The following CFAP52 variants were observed in gnomAD, a reference collection of about 807,000 sequenced individuals.
CFAP52 encodes cilia and flagella associated protein 52.
A neutral mutation model predicts 70.5 loss-of-function variants in CFAP52; 57 were observed. The ratio of observed to expected loss-of-function variants is 0.81; its 90% CI spans 0.65 to 1.01. The LOEUF (loss-of-function observed/expected upper bound fraction) is 1.01, where lower values mean the gene tolerates loss of function less well. CFAP52 is among the 50% of genes least tolerant of loss of function. CFAP52 has a pLI of 0.00. For synonymous variants in CFAP52, 267 were observed against 292.5 expected, an observed-to-expected ratio of 0.91 and a Z score of 0.89; for missense variants, 785 against 788.5, an observed-to-expected ratio of 1.00 and a Z score of 0.05.
chr17:9,594,049 G>T, intron 3 of CFAP52, 144 bp from the exon 4 acceptor site: 1 of 1,199,470 alleles, frequency 8.3e-7, no homozygotes, highest in Non-Finnish European at 1.1e-6. Context: ...TTGAGGAGAT[G>T]TCAGGGGTGG....
At chr17:9,631,032 G>GAAAGAAAGAAAGAAAGAA (rs1473831778) in intron 9 of CFAP52, among the ~76,000 whole-genome samples, 1 of 46,768 alleles carries the variant, frequency 2.1e-5, no homozygotes. Context: ...GAAAGAAAGA[G>GAAAGAAAGAAAGAAAGAA]AGAGAGAGAG....
chr17:9,598,779 A>T (rs1909136939), intron 5 of CFAP52, among the ~76,000 whole-genome samples: 1 of 102,082 alleles, frequency 9.8e-6, no homozygotes, highest in Non-Finnish European at 2.3e-5. Context: ...AAGAAGAAAA[A>T]GTTCACCTCT....
At position 9,616,123 on chromosome 17, in the gene CFAP52, C is replaced by T. The variant is rs1334395758; in HGVS notation, c.1025+3644C>T. 6.0e-5 allele frequency among the ~76,000 whole-genome samples: 9 copies of T among 150,628 alleles called. No individual in the cohort carries two copies. The East Asian group carries it at 1.4e-3, about 23-fold the overall frequency. On this transcript the variant is annotated intron_variant, in intron 8 of 13. Transcript: ENST00000352665. Reference sequence around the variant, plus strand: ...TCACTAGGGAGTGCCAGACAGTGGGCGCAGGCCAGTGTGTGCGCGCACCGT... The same window carrying T: ...TCACTAGGGAGTGCCAGACAGTGGGTGCAGGCCAGTGTGTGCGCGCACCGT...
intron 9 of CFAP52, among the ~76,000 whole-genome samples, chr17:9,630,875 A>C (rs1910448829): frequency 2.0e-5 from 3 of 148,162 alleles, no homozygotes; most frequent in East Asian, 2.2e-4. Flanking sequence ...AGTCCCAGCT[A>C]CCCGGGAGGC....
chr17:9,629,834 C>G (rs771283670), intron 9 of CFAP52, among the ~76,000 whole-genome samples: 4 of 152,060 alleles, frequency 2.6e-5, no homozygotes, highest in Admixed American at 6.6e-5. Context: ...AGGCAATCCA[C>G]CCGCCTCGGC....
intron 9 of CFAP52, among the ~76,000 whole-genome samples, chr17:9,632,077 C>CTT (rs79133731): frequency 5.5e-5 from 8 of 146,066 alleles, no homozygotes; most frequent in African/African-American, 2.0e-4. Flanking sequence ...CCAGCCTCCA[C>CTT]TTTTTTTTTT....
Position 9,596,049 on chromosome 17 carries a change from A to ATGTGTG in CFAP52, c.536+1729_536+1730insGTGTGT, listed in dbSNP as rs1445578110. On this transcript the variant is annotated intron_variant, in intron 4 of 13. Coordinates refer to ENST00000352665, the MANE Select transcript of CFAP52 (RefSeq NM_145054.5). ...TACATATGTATATGTATGTAGATAT[A>ATGTGTG]TATGTGTGTGTATATATATATATAT... is the stretch of plus-strand genomic sequence containing the variant. Among the ~76,000 whole-genome samples the ATGTGTG allele has an allele frequency of 8.4e-3, 330 of 39,154 alleles. 2 individuals carry two copies. Among genetic ancestry groups the ATGTGTG allele is most frequent in the Admixed American group, 0.018 (51 of 2,870 alleles). The allele number at this position is 39,154 out of a possible 152,430, so 25.7% of individuals were successfully genotyped here.
At chr17:9,636,175 AAAAAAAAG>A (rs1182035749) in intron 11 of CFAP52, among the ~76,000 whole-genome samples, 2 of 108,182 alleles carry the variant, frequency 1.8e-5, no homozygotes, top group Non-Finnish European at 3.7e-5. Context: ...ACTCTGTCTC[AAAAAAAAG>A]AAAGAAAGAA....
At chr17:9,616,509 G>GGCCT (rs1159774141) in intron 8 of CFAP52, among the ~76,000 whole-genome samples, 5 of 142,136 alleles carry the variant, frequency 3.5e-5, no homozygotes, top group Non-Finnish European at 7.6e-5. Flanking sequence ...AACTCAAGGA[G>GGCCT]GCCTGCCTGC....
At chr17:9,636,191 G>GAA (rs10656812) in intron 11 of CFAP52, among the ~76,000 whole-genome samples, 1 of 82,238 alleles carries the variant, frequency 1.2e-5, no homozygotes, top group African/African-American at 7.2e-5. Flanking sequence ...AAGAAAGAAA[G>GAA]AAAGAAAGAA....
intron 3 of CFAP52, 152 bp from the exon 4 acceptor site, chr17:9,594,041 G>A (rs1908883675): frequency 4.5e-5 from 49 of 1,078,538 alleles, no homozygotes; most frequent in Non-Finnish European, 5.2e-5. Context: ...TAGTGTAGTT[G>A]AGGAGATGTC....
chr17:9,631,028 A>AGAGAGAGAGAGAG (rs1910479353), intron 9 of CFAP52, among the ~76,000 whole-genome samples: 2 of 44,736 alleles, frequency 4.5e-5, no homozygotes, highest in African/African-American at 2.4e-4. Flanking sequence ...GAAAGAAAGA[A>AGAGAGAGAGAGAG]AGAGAGAGAG....
At chr17:9,591,859 C>G (rs551555306) in intron 3 of CFAP52, among the ~76,000 whole-genome samples, 1 of 151,956 alleles carries the variant, frequency 6.6e-6, no homozygotes, top group South Asian at 2.1e-4. Context: ...GCTGGGGCAA[C>G]AGAGAGAGAC....
In CFAP52 at chr17:9,632,933, G is replaced by A. The variant is rs766919743; in HGVS notation, c.1220G>A (p.Arg407Gln). ...CGAGCCTTCGCCCCAGAGACAGGCC[G>A]ACTGATGTATGTCATTAACAATGCT... is the stretch of plus-strand genomic sequence containing the variant. ...KIRAFAPETG[R>Q]LMYVINNAHR... The change falls in exon 10 of 14, where the codon CGA becomes CAA. Residue 407 changes from arginine to glutamine, a missense_variant. Transcript: ENST00000352665. 4.3e-6 allele frequency: 7 copies of A among 1,614,068 alleles called. No homozygotes were observed. The Middle Eastern group carries it at 4.9e-4, about 114-fold the overall frequency.
chr17:9,579,787 T>C (rs568653941), intron 1 of CFAP52, among the ~76,000 whole-genome samples: 2 of 152,260 alleles, frequency 1.3e-5, no homozygotes, highest in Admixed American at 1.3e-4. Context: ...AGGCTGGTCT[T>C]GAACTCCTGA....
chr17:9,590,497 C>T, intron 3 of CFAP52: 1 of 167,464 alleles, frequency 6.0e-6, no homozygotes, highest in East Asian at 1.5e-4. Flanking sequence ...TTGGCCACTG[C>T]AGCGAAAGAA....
chr17:9,581,835 AGACAT>A (rs558874439), intron 1 of CFAP52, among the ~76,000 whole-genome samples: 1 of 152,322 alleles, frequency 6.6e-6, no homozygotes, highest in South Asian at 2.1e-4. Context: ...TCAGCCAATC[AGACAT>A]TCCCACTCCG....
At chr17:9,642,788 A>G (rs980545855) in intron 13 of CFAP52, among the ~76,000 whole-genome samples, 1 of 152,192 alleles carries the variant, frequency 6.6e-6, no homozygotes, top group Non-Finnish European at 1.5e-5. Flanking sequence ...GAACTAAGCC[A>G]AGATATTACT....
intron 10 of CFAP52, among the ~76,000 whole-genome samples, chr17:9,633,763 G>A (rs929942715): frequency 3.3e-5 from 5 of 150,330 alleles, no homozygotes; most frequent in African/African-American, 4.9e-5. Flanking sequence ...TGCAAGCTCC[G>A]CCTCCTGGGT....
Sources: allele counts gnomAD v4.1 joint callset (sites outside exome capture counted in the v4.1 genomes callset), GRCh38; gene constraint gnomAD v4.1.1; transcripts MANE v1.5; gene names NCBI Gene and HGNC (gene_info 2026-07-23, HGNC 2026-07-21).